Variants in SLC35D2 observed in about 807,000 individuals in gnomAD.
SLC35D2 encodes nucleotide sugar transporter SLC35D2.
A neutral mutation model predicts 41.8 loss-of-function variants in SLC35D2; 43 were observed. That is an observed-to-expected ratio of 1.03 (90% CI 0.81 to 1.33). SLC35D2 has a LOEUF of 1.33. Ranked by LOEUF, SLC35D2 falls within the 40% of genes most tolerant of loss-of-function variation. The pLI, the probability that SLC35D2 is intolerant of heterozygous loss-of-function variation, is 0.00. For synonymous variants in SLC35D2, 150 were observed against 163.9 expected (o/e 0.92, Z 0.65); for missense variants, 380 against 408.4 (o/e 0.93, Z 0.60).
Position 96,336,763 on chromosome 9 carries a change from T to G in SLC35D2, c.706A>C (p.Lys236Gln), listed in dbSNP as rs540002547. ...LQQATEFNQW[K>Q]NVVFILQFLL... ...AACTGTAGGATAAACACAACATTCT[T>G]CCATTGGTTGAATTCAGTAGCCTAT... The change falls in exon 9 of 12, where the codon AAG becomes CAG. Residue 236 changes from lysine (K) to glutamine (Q), a missense_variant. Lys to Gln is a moderately conservative substitution (Grantham distance 53). Coordinates refer to ENST00000253270, the MANE Select transcript of SLC35D2 (RefSeq NM_007001.3). 7.6e-6 allele frequency: 12 copies of G among 1,582,998 alleles called. No homozygotes were observed. The South Asian group carries it at 1.2e-4, about 16-fold the overall frequency.
At chr9:96,330,080 C>CA (rs1190501562) in intron 9 of SLC35D2, among the ~76,000 whole-genome samples, 1 of 152,244 alleles carries the variant, frequency 6.6e-6, no homozygotes, top group African/African-American at 2.4e-5. Flanking sequence ...CTCCTGACCA[C>CA]AGACTGCTGG....
At chr9:96,370,921 C>T (rs990916472) in intron 1 of SLC35D2, among the ~76,000 whole-genome samples, 1 of 152,178 alleles carries the variant, frequency 6.6e-6, no homozygotes. Flanking sequence ...AACAACCTAA[C>T]TGCCACATAA....
intron 8 of SLC35D2, among the ~76,000 whole-genome samples, chr9:96,342,505 C>T (rs1829377416): frequency 6.6e-6 from 1 of 152,122 alleles, no homozygotes; most frequent in African/African-American, 2.4e-5. Flanking sequence ...AGCTGAAAAA[C>T]AAATACTGTG....
chr9:96,351,268 AT>A, intron 5 of SLC35D2, 97 bp from the exon 6 acceptor site: 1 of 844,952 alleles, frequency 1.2e-6, no homozygotes, highest in Admixed American at 2.1e-5. Flanking sequence ...AGACATCAGC[AT>A]TTTTATAGCT....
intron 3 of SLC35D2, among the ~76,000 whole-genome samples, chr9:96,361,366 C>G (rs943697841): frequency 6.6e-6 from 1 of 152,104 alleles, no homozygotes; most frequent in Non-Finnish European, 1.5e-5. Context: ...TGGTACAGCC[C>G]TAGCCCAACA....
intron 9 of SLC35D2, among the ~76,000 whole-genome samples, chr9:96,333,435 A>G (rs1828900617): frequency 6.6e-6 from 1 of 151,132 alleles, no homozygotes; most frequent in African/African-American, 2.4e-5. Context: ...TCTCTACTAA[A>G]AAAATACAAA....
At chr9:96,383,211 G>A (rs925621574) in intron 1 of SLC35D2, among the ~76,000 whole-genome samples, 6 of 152,186 alleles carry the variant, frequency 3.9e-5, no homozygotes, top group Non-Finnish European at 8.8e-5. Flanking sequence ...GAAAGAATCT[G>A]TCTGAGCTCT....
chr9:96,380,772 C>CA (rs1831168243), intron 1 of SLC35D2, among the ~76,000 whole-genome samples: 1 of 147,846 alleles, frequency 6.8e-6, no homozygotes, highest in South Asian at 2.2e-4. Flanking sequence ...CGCGCCCGGC[C>CA]TTTTTTTTTT....
chr9:96,374,894 T>C (rs1314189406), intron 1 of SLC35D2, among the ~76,000 whole-genome samples: 1 of 151,998 alleles, frequency 6.6e-6, no homozygotes, highest in African/African-American at 2.4e-5. Context: ...CCTATTTATC[T>C]ATATCCATCC....
intron 8 of SLC35D2, among the ~76,000 whole-genome samples, chr9:96,338,555 CAA>C (rs58788876): frequency 2.8e-4 from 32 of 115,734 alleles, no homozygotes; most frequent in Non-Finnish European, 3.3e-4. Context: ...GACCCTGTCT[CAA>C]AAAAAAAAAA....
chr9:96,382,630 T>C (rs984165748), intron 1 of SLC35D2, among the ~76,000 whole-genome samples: 1 of 151,776 alleles, frequency 6.6e-6, no homozygotes, highest in Non-Finnish European at 1.5e-5. Context: ...TGAATCTGTA[T>C]GTATATATAA....
intron 2 of SLC35D2, among the ~76,000 whole-genome samples, chr9:96,366,621 T>C (rs1169513018): frequency 7.0e-6 from 1 of 143,560 alleles, no homozygotes; most frequent in African/African-American, 2.6e-5. Flanking sequence ...TCCCAGTGAA[T>C]GTTCAAGCAA....
chr9:96,363,024 G>A (rs935325333), intron 3 of SLC35D2, among the ~76,000 whole-genome samples: 25 of 151,858 alleles, frequency 1.6e-4, no homozygotes, highest in African/African-American at 5.8e-4. Context: ...GCGCCACCAC[G>A]CCCGGCTAAT....
At chr9:96,380,219 G>A (rs1831138715) in intron 1 of SLC35D2, among the ~76,000 whole-genome samples, 1 of 151,650 alleles carries the variant, frequency 6.6e-6, no homozygotes, top group African/African-American at 2.4e-5. Flanking sequence ...CTTAGGAGGT[G>A]TCTTATATCA....
chr9:96,324,120 G>A lies in SLC35D2; in HGVS notation c.802C>T (p.Leu268=). ...TVLCSYYNSA[L]TTAVVGAIKN... ...ATGGCTCCAACCACTGCTGTCGTCAGGGCTGAATTGTAATAGCTGCACAGA... is the reference window on the plus strand; with the variant it reads ...ATGGCTCCAACCACTGCTGTCGTCAAGGCTGAATTGTAATAGCTGCACAGA... Residue 268 remains leucine (L), a synonymous_variant, in exon 10 of 12, where the codon CTG becomes TTG. Transcript: ENST00000253270. 6.2e-7 allele frequency: 1 copy of A among 1,613,980 alleles called. No homozygotes were observed. The highest frequency in any genetic ancestry group is 8.5e-7 in the Non-Finnish European group (1 of 1,179,954).
intron 1 of SLC35D2, among the ~76,000 whole-genome samples, chr9:96,370,433 G>C (rs1376490700): frequency 2.6e-5 from 4 of 152,200 alleles, no homozygotes; most frequent in African/African-American, 9.7e-5. Context: ...AAGGTGAGCA[G>C]ATCACCTGAG....
At chr9:96,314,949 T>G (rs1415541750) in intron 11 of SLC35D2, 1 of 152,164 alleles carries the variant, frequency 6.6e-6, no homozygotes, top group Non-Finnish European at 1.5e-5. Flanking sequence ...ATGCCACGGC[T>G]GCCTATCGTT....
downstream of SLC35D2, among the ~76,000 whole-genome samples, chr9:96,319,988 A>G (rs1047080485): frequency 1.3e-5 from 2 of 152,184 alleles, no homozygotes; most frequent in Non-Finnish European, 2.9e-5. Context: ...TAGAGACAAG[A>G]TTAGTTAGTC....
At chr9:96,319,495 TACC>T (rs1218400058), downstream of SLC35D2, among the ~76,000 whole-genome samples, 1 of 129,330 alleles carries the variant, frequency 7.7e-6, no homozygotes, top group African/African-American at 3.1e-5. Context: ...TTATGTATTT[TACC>T]ACAATTTAAA....
Sources: gnomAD v4.1 joint callset for allele counts (sites outside exome capture counted in the v4.1 genomes callset) on GRCh38, gnomAD v4.1.1 for gene constraint, MANE v1.5 for transcripts, NCBI Gene and HGNC (gene_info 2026-07-23, HGNC 2026-07-21) for gene names.